SRPK2: variants seen among roughly 807,000 people sequenced by gnomAD.
The protein encoded by SRPK2 is SFRS protein kinase 2.
In SRPK2, 21 loss-of-function variants were observed where a neutral mutation model predicts 90.8. The ratio of observed to expected loss-of-function variants is 0.23; its 90% confidence interval spans 0.16 to 0.33. SRPK2 has a LOEUF of 0.33. Among genes scored for constraint, SRPK2 ranks in the 10% least tolerant of loss-of-function variants. The pLI is 1.00. For synonymous variants in SRPK2, 288 were observed against 311.1 expected (o/e 0.93, Z 0.78); for missense variants, 620 against 869.0 (o/e 0.71, Z 3.60).
intron 2 of SRPK2, among the ~76,000 whole-genome samples, chr7:105,283,793 C>T (rs796889903): frequency 5.9e-5 from 9 of 152,116 alleles, no homozygotes; most frequent in African/African-American, 2.2e-4. Flanking sequence ...GAGTTCGAGA[C>T]CAGCCTAGGT....
chr7:105,315,097 G>A (rs2131445715), intron 2 of SRPK2, among the ~76,000 whole-genome samples: 1 of 152,228 alleles, frequency 6.6e-6, no homozygotes, highest in African/African-American at 2.4e-5. Flanking sequence ...CACACCATAG[G>A]GGATCCCACC....
intron 1 of SRPK2, among the ~76,000 whole-genome samples, chr7:105,397,001 C>A (rs753027048): frequency 1.3e-4 from 19 of 151,818 alleles, no homozygotes; most frequent in Non-Finnish European, 2.5e-4. Flanking sequence ...TTAGTGGATG[C>A]TTTTATTATT....
chr7:105,341,476 C>A (rs986988461), intron 2 of SRPK2, among the ~76,000 whole-genome samples: 1 of 151,634 alleles, frequency 6.6e-6, no homozygotes, highest in Non-Finnish European at 1.5e-5. Flanking sequence ...AGTTTGGGAC[C>A]AGCCTGGTCA....
intron 13 of SRPK2, among the ~76,000 whole-genome samples, chr7:105,129,365 T>C (rs1164811594): frequency 2.0e-5 from 3 of 152,098 alleles, no homozygotes; most frequent in Non-Finnish European, 4.4e-5. Context: ...CACATTACAA[T>C]GAAAAAAACT....
chr7:105,135,324 G>C (rs920629923), intron 11 of SRPK2, among the ~76,000 whole-genome samples: 3 of 152,154 alleles, frequency 2.0e-5, no homozygotes, highest in African/African-American at 7.2e-5. Flanking sequence ...CCAAACACAG[G>C]AGAGTCAGGA....
chr7:105,131,086 A>G (rs943589805), intron 13 of SRPK2, among the ~76,000 whole-genome samples: 2 of 152,252 alleles, frequency 1.3e-5, no homozygotes, highest in African/African-American at 4.8e-5. Flanking sequence ...AAGCTCCATT[A>G]ACCCACTACA....
At chr7:105,213,578 G>A (rs945125435) in intron 2 of SRPK2, among the ~76,000 whole-genome samples, 1 of 152,100 alleles carries the variant, frequency 6.6e-6, no homozygotes, top group African/African-American at 2.4e-5. Context: ...GCCAATATAA[G>A]TTTTAAGTGT....
At chr7:105,367,137 T>C (rs1489653978) in intron 2 of SRPK2, among the ~76,000 whole-genome samples, 1 of 151,938 alleles carries the variant, frequency 6.6e-6, no homozygotes, top group Non-Finnish European at 1.5e-5. Context: ...TCCTCCCACC[T>C]GGGTGTCCCA....
chr7:105,390,611 T>TTG (rs1325487368), upstream of SRPK2, among the ~76,000 whole-genome samples: 121 of 126,390 alleles, frequency 9.6e-4, no homozygotes, highest in African/African-American at 3.6e-3. Flanking sequence ...GTTTTTGTTT[T>TTG]TTTTTTTTTT....
intron 2 of SRPK2, among the ~76,000 whole-genome samples, chr7:105,299,133 CCT>C (rs1275002838): frequency 6.6e-6 from 1 of 152,200 alleles, no homozygotes. Context: ...TGAGAATGAG[CCT>C]CTGTTTCTCT....
intron 2 of SRPK2, among the ~76,000 whole-genome samples, chr7:105,315,048 A>G (rs1333075177): frequency 1.1e-4 from 17 of 152,206 alleles, no homozygotes; most frequent in Non-Finnish European, 1.5e-5. Flanking sequence ...AGGCTGAGGC[A>G]GGAAGATCAC....
chr7:105,338,338 C>T (rs553178754), intron 2 of SRPK2, among the ~76,000 whole-genome samples: 1 of 152,168 alleles, frequency 6.6e-6, no homozygotes, highest in South Asian at 2.1e-4. Context: ...CCAGCTCAAG[C>T]GATTCTCCTG....
At chr7:105,212,047 C>G (rs897724739) in intron 2 of SRPK2, among the ~76,000 whole-genome samples, 1 of 152,152 alleles carries the variant, frequency 6.6e-6, no homozygotes, top group Non-Finnish European at 1.5e-5. Context: ...TTTATCCTTC[C>G]CATTTTACAC....
chr7:105,232,907 G>A (rs1799630237), intron 2 of SRPK2, among the ~76,000 whole-genome samples: 1 of 151,974 alleles, frequency 6.6e-6, no homozygotes, highest in African/African-American at 2.4e-5. Context: ...CAGCTATTCA[G>A]GAGCCTGAGG....
rs536035662 is a variant in SRPK2 at position 105,210,337 on chromosome 7, C to T, written c.72-6552G>A. Among the ~76,000 whole-genome samples the T allele has an allele frequency of 8.5e-5, 13 of 152,280 alleles. No homozygotes were observed. The East Asian group carries it at 2.5e-3, about 29-fold the overall frequency. ...AAAGTCAAATTTCATTTTCTTTCCT[C>T]CCTATGTCCACCCTATATCTATAAC... On this transcript the variant is annotated intron_variant, in intron 2 of 15. Transcript: ENST00000393651.
At chr7:105,163,578 T>C (rs992912598) in intron 6 of SRPK2, among the ~76,000 whole-genome samples, 2 of 152,114 alleles carry the variant, frequency 1.3e-5, no homozygotes, top group Non-Finnish European at 2.9e-5. Flanking sequence ...GCAGATCACC[T>C]GAGGTCGGGA....
chr7:105,161,134 C>T (rs867858132), intron 6 of SRPK2, among the ~76,000 whole-genome samples: 8 of 152,052 alleles, frequency 5.3e-5, no homozygotes, highest in African/African-American at 1.9e-4. Context: ...ACCATGTTAG[C>T]CAGGATGGTC....
intron 2 of SRPK2, among the ~76,000 whole-genome samples, chr7:105,242,772 C>A (rs1274465119): frequency 6.6e-6 from 1 of 152,072 alleles, no homozygotes; most frequent in Non-Finnish European, 1.5e-5. Flanking sequence ...TCCAAAAGAG[C>A]CAATGAACCA....
intron 2 of SRPK2, among the ~76,000 whole-genome samples, chr7:105,323,967 T>TGTG (rs1813232169): frequency 1.1e-3 from 146 of 133,894 alleles, no homozygotes; most frequent in African/African-American, 3.8e-3. Flanking sequence ...AGACTATTCT[T>TGTG]TGTGTGTGTG....
Sources: allele counts gnomAD v4.1 joint callset (sites outside exome capture counted in the v4.1 genomes callset), GRCh38; gene constraint gnomAD v4.1.1; transcripts MANE v1.5; gene names NCBI Gene and HGNC (gene_info 2026-07-23, HGNC 2026-07-21).